Variants in ADK observed in about 807,000 individuals in gnomAD.
ADK encodes the protein N6,N6-dimethyladenosine kinase.
ADK carries 24 observed loss-of-function variants against 44.7 expected under a neutral mutation model. The ratio of observed to expected loss-of-function variants is 0.54; its 90% CI spans 0.39 to 0.76. The LOEUF (loss-of-function observed/expected upper bound fraction) is 0.76. Among genes scored for constraint, ADK ranks in the 30% least tolerant of loss-of-function variants. The probability of loss-of-function intolerance (pLI) is 0.00; values close to 1 mark genes in which losing one functional copy is unlikely to be tolerated. For synonymous variants in ADK, 128 were observed against 142.6 expected, an observed-to-expected ratio of 0.90 and a Z score of 0.73; for missense variants, 321 against 425.1, an observed-to-expected ratio of 0.76 and a Z score of 2.15.
chr10:74,486,090 C>G (rs1847257564), intron 6 of ADK, among the ~76,000 whole-genome samples: 1 of 152,134 alleles, frequency 6.6e-6, no homozygotes, highest in Non-Finnish European at 1.5e-5. Flanking sequence ...CCCCACGTGT[C>G]AAAGGAGAGA....
intron 6 of ADK, among the ~76,000 whole-genome samples, chr10:74,417,878 ATATT>A (rs1397641326): frequency 6.6e-6 from 1 of 152,162 alleles, no homozygotes; most frequent in Admixed American, 6.6e-5. Context: ...AGATTATTAA[ATATT>A]TACTCACGTG....
chr10:74,391,978 A>G (rs568938839), intron 4 of ADK, among the ~76,000 whole-genome samples: 2 of 152,254 alleles, frequency 1.3e-5, no homozygotes, highest in Admixed American at 6.5e-5. Flanking sequence ...CAGACCTTAT[A>G]TAACTTAGCA....
intron 4 of ADK, among the ~76,000 whole-genome samples, chr10:74,336,908 A>G (rs1209182376): frequency 6.6e-6 from 1 of 152,222 alleles, no homozygotes; most frequent in Non-Finnish European, 1.5e-5. Flanking sequence ...TACAGACTCA[A>G]CAACTATCCA....
chr10:74,251,771 C>T (rs1179006779), intron 3 of ADK, among the ~76,000 whole-genome samples: 1 of 152,064 alleles, frequency 6.6e-6, no homozygotes, highest in Non-Finnish European at 1.5e-5. Flanking sequence ...CTAGCCCTTT[C>T]CTGTAATCAG....
intron 3 of ADK, among the ~76,000 whole-genome samples, chr10:74,250,090 TA>T (rs1263106980): frequency 2.0e-5 from 3 of 152,214 alleles, no homozygotes; most frequent in Non-Finnish European, 4.4e-5. Context: ...TTACTCTATG[TA>T]CTAGAAATGC....
At chr10:74,208,017 G>T (rs572408247) in intron 2 of ADK, among the ~76,000 whole-genome samples, 21 of 152,318 alleles carry the variant, frequency 1.4e-4, no homozygotes, top group Admixed American at 1.2e-3. Flanking sequence ...GGGGCAGGGG[G>T]CTGGTATGTC....
chr10:74,626,862 G>A (rs180969900), intron 9 of ADK, among the ~76,000 whole-genome samples: 118 of 152,210 alleles, frequency 7.8e-4, no homozygotes, highest in Non-Finnish European at 1.4e-3. Flanking sequence ...ACAGTTATAT[G>A]GATCCCTAGC....
Position 74,303,585 on chromosome 10 carries a change from G to GTTTTTTTTTTTTTTTTTTTT in ADK, c.195-11080_195-11079insTTTTTTTTTTTTTTTTTTTT, listed in dbSNP as rs1282565148. Reference sequence around the variant, plus strand: ...AAACACTTTTCATATTGGTTTTAATGTTGTTTTTTTTTTTTTTTTTTTTTT... The same window carrying GTTTTTTTTTTTTTTTTTTTT: ...AAACACTTTTCATATTGGTTTTAATGTTTTTTTTTTTTTTTTTTTTTTGTTTTTTTTTTTTTTTTTTTTTT... On this transcript the variant is annotated intron_variant, in intron 3 of 10. Coordinates refer to ENST00000539909, the MANE Select transcript of ADK (RefSeq NM_006721.4). 3.0e-3 allele frequency among the ~76,000 whole-genome samples: 197 copies of GTTTTTTTTTTTTTTTTTTTT among 64,636 alleles called. 58 individuals carry two copies. Among genetic ancestry groups the GTTTTTTTTTTTTTTTTTTTT allele is most frequent in the Non-Finnish European group, 3.5e-3 (144 of 40,790 alleles). The allele number at this position is 64,636 out of a possible 152,430, so 42.4% of individuals were successfully genotyped here.
At chr10:74,378,922 A>G (rs552170650) in intron 4 of ADK, among the ~76,000 whole-genome samples, 1 of 152,242 alleles carries the variant, frequency 6.6e-6, no homozygotes, top group East Asian at 1.9e-4. Context: ...ACAACATAGC[A>G]AGATCCCATC....
intron 3 of ADK, among the ~76,000 whole-genome samples, chr10:74,305,395 A>G (rs1840210226): frequency 6.6e-6 from 1 of 152,096 alleles, no homozygotes; most frequent in African/African-American, 2.4e-5. Context: ...TATCAAATTG[A>G]TCTTATATGT....
chr10:74,674,746 G>A (rs1474556421), intron 10 of ADK, among the ~76,000 whole-genome samples: 3 of 152,096 alleles, frequency 2.0e-5, no homozygotes, highest in Non-Finnish European at 4.4e-5. Context: ...GCCGGGCATG[G>A]CGTTGCATGC....
intron 8 of ADK, among the ~76,000 whole-genome samples, chr10:74,589,888 G>A (rs1851658097): frequency 6.6e-6 from 1 of 151,876 alleles, no homozygotes; most frequent in Non-Finnish European, 1.5e-5. Context: ...CTGGGGAGAC[G>A]GAGGTAGCAT....
rs563721396 is a variant in ADK, at chr10:74,376,702, A to T, written c.274-17439A>T. On this transcript the variant is annotated intron_variant, in intron 4 of 10. Coordinates refer to ENST00000539909, the MANE Select transcript of ADK (RefSeq NM_006721.4). ...TAGCCTTTTACAGTAAGTTTATTTGAATCAGCATCTAAAGAATTCAAACAC... is the reference window on the plus strand; with the variant it reads ...TAGCCTTTTACAGTAAGTTTATTTGTATCAGCATCTAAAGAATTCAAACAC... Among the ~76,000 whole-genome samples, 82 of 152,072 alleles carry T rather than the reference A, an allele frequency of 5.4e-4. No homozygotes were observed. In the South Asian group the frequency reaches 6.4e-3, roughly 12 times the overall value.
intron 1 of ADK, among the ~76,000 whole-genome samples, chr10:74,180,001 A>G (rs1842474818): frequency 2.6e-5 from 4 of 152,116 alleles, no homozygotes; most frequent in Admixed American, 2.6e-4. Context: ...CTGAATGATT[A>G]CAAGATATCC....
intron 9 of ADK, among the ~76,000 whole-genome samples, chr10:74,665,802 TGAA>T (rs1436418059): frequency 6.1e-5 from 7 of 115,186 alleles, no homozygotes; most frequent in Non-Finnish European, 1.1e-4. Flanking sequence ...AGAAGGAAAA[TGAA>T]GAAAGGAAGG....
chr10:74,318,354 G>A lies in ADK; in HGVS notation c.273+3609G>A, dbSNP rs567968349. Among the ~76,000 whole-genome samples, 18 of 152,118 alleles carry A rather than the reference G, an allele frequency of 1.2e-4. No individual in the cohort carries two copies. In the South Asian group the frequency reaches 3.3e-3, roughly 28 times the overall value. On this transcript the variant is annotated intron_variant, in intron 4 of 10. Transcript: ENST00000539909. ...CTAATTTATTTGTTGTAGAGACAGG[G>A]TCTCTGTGTGTTGCTCAGATTGGTC...
At chr10:74,648,997 T>A (rs764745398) in intron 9 of ADK, among the ~76,000 whole-genome samples, 1 of 151,984 alleles carries the variant, frequency 6.6e-6, no homozygotes, top group Non-Finnish European at 1.5e-5. Flanking sequence ...CTGGCCAACA[T>A]GGTGAAACCC....
intron 7 of ADK, among the ~76,000 whole-genome samples, chr10:74,546,346 T>C (rs937481232): frequency 6.6e-6 from 1 of 152,206 alleles, no homozygotes; most frequent in Non-Finnish European, 1.5e-5. Flanking sequence ...GTAATTACTG[T>C]GTGGCATGGG....
rs755803804 is a variant in ADK at position 74,200,848 on chromosome 10, A to G, written c.140+10A>G. ...AAGATTTCCTTGATAAGTAAGTATT[A>G]AACTCTTCATATGCACTATGTGGAA... is the stretch of plus-strand genomic sequence containing the variant. On this transcript the variant is annotated intron_variant, in intron 2 of 10. Transcript: ENST00000539909. 1 of 1,557,842 alleles carries G rather than the reference A, an allele frequency of 6.4e-7. No homozygotes were observed. Among genetic ancestry groups the G allele is most frequent in the Admixed American group, 1.7e-5 (1 of 59,856 alleles).
Sources: allele counts gnomAD v4.1 joint callset (sites outside exome capture counted in the v4.1 genomes callset), GRCh38; gene constraint gnomAD v4.1.1; transcripts MANE v1.5; gene names NCBI Gene and HGNC (gene_info 2026-07-23, HGNC 2026-07-21).